Variants in CPLX1 observed in about 807,000 individuals in gnomAD.
CPLX1 encodes the protein complexin-1.
In CPLX1, 6 loss-of-function variants were observed where a neutral mutation model predicts 15.6. That is an observed-to-expected ratio of 0.39 (90% CI 0.21 to 0.76). The LOEUF (loss-of-function observed/expected upper bound fraction) is 0.76. CPLX1 is among the 30% of genes least tolerant of loss of function. The pLI is 0.43. For synonymous variants in CPLX1, 91 were observed against 75.2 expected (o/e 1.21, Z -1.08); for missense variants, 242 against 188.6 (o/e 1.28, Z -1.66).
intron 2 of CPLX1, among the ~76,000 whole-genome samples, chr4:801,718 C>T (rs1447115997): frequency 6.6e-6 from 1 of 152,218 alleles, no homozygotes; most frequent in Non-Finnish European, 1.5e-5. Context: ...ACAAAGTCAC[C>T]TAATGACACA....
chr4:807,276 AGAACACAT>A (rs1380416197), intron 2 of CPLX1, among the ~76,000 whole-genome samples: 1 of 152,216 alleles, frequency 6.6e-6, no homozygotes, highest in African/African-American at 2.4e-5. Context: ...TTGAACATTG[AGAACACAT>A]GGACACAGGG....
chr4:793,731 G>A (rs908218014), intron 2 of CPLX1, among the ~76,000 whole-genome samples: 5 of 152,126 alleles, frequency 3.3e-5, no homozygotes, highest in Admixed American at 2.6e-4. Context: ...CTCCCCCCGC[G>A]GCCACCCGGC....
At position 802,617 on chromosome 4, in the gene CPLX1, C is replaced by A. The variant is rs17165022; in HGVS notation, c.32-10009G>T. On this transcript the variant is annotated intron_variant, in intron 2 of 3. Coordinates refer to ENST00000304062, the MANE Select transcript of CPLX1 (RefSeq NM_006651.4). ...TATTAGAAACAAGGACGTAAGTAAC[C>A]CTTCAACTGAAGAGGAAATAAAAAC... 4.3e-3 allele frequency among the ~76,000 whole-genome samples: 648 copies of A among 152,204 alleles called. 5 individuals are homozygous for A. Among genetic ancestry groups the A allele is most frequent in the Non-Finnish European group, 6.9e-3 (471 of 68,014 alleles).
At chr4:787,336 C>A (rs1746028844) in intron 3 of CPLX1, 1 of 985,408 alleles carries the variant, frequency 1.0e-6, no homozygotes, top group Non-Finnish European at 1.2e-6. Flanking sequence ...CGACCCCCTG[C>A]CCACCCGCGT....
Position 804,331 on chromosome 4 carries a change from G to A in CPLX1, c.32-11723C>T, listed in dbSNP as rs954267051. Among the ~76,000 whole-genome samples, 105 of 152,302 alleles carry A rather than the reference G, an allele frequency of 6.9e-4. 1 individual carries two copies. Among genetic ancestry groups the A allele is most frequent in the African/African-American group, 2.4e-3 (101 of 41,536 alleles). On this transcript the variant is annotated intron_variant, in intron 2 of 3. Transcript: ENST00000304062. Reference sequence around the variant, plus strand: ...AACACATCATGGGATGTGGCAGCATGGCTAAATACAATATCCATACTTCCG... The same window carrying A: ...AACACATCATGGGATGTGGCAGCATAGCTAAATACAATATCCATACTTCCG...
At chr4:802,808 G>A (rs1746482703) in intron 2 of CPLX1, among the ~76,000 whole-genome samples, 1 of 152,078 alleles carries the variant, frequency 6.6e-6, no homozygotes, top group African/African-American at 2.4e-5. Context: ...AAAATTAGCT[G>A]GGCTTGATGG....
intron 2 of CPLX1, among the ~76,000 whole-genome samples, chr4:806,432 A>G (rs1746555940): frequency 6.6e-6 from 1 of 152,226 alleles, no homozygotes; most frequent in African/African-American, 2.4e-5. Flanking sequence ...GTAAAACCCA[A>G]AAGTATAAAA....
intron 2 of CPLX1, among the ~76,000 whole-genome samples, chr4:820,021 A>C (rs1746831516): frequency 2.6e-5 from 4 of 152,164 alleles, no homozygotes; most frequent in Admixed American, 2.6e-4. Context: ...ACTTGCAGCC[A>C]AAAGAATCTT....
At chr4:815,879 T>G (rs1434551259) in intron 2 of CPLX1, among the ~76,000 whole-genome samples, 1 of 152,196 alleles carries the variant, frequency 6.6e-6, no homozygotes, top group Non-Finnish European at 1.5e-5. Context: ...AACTTGGACT[T>G]AGGTCTCTAC....
chr4:824,808 T>C (rs1253992754), intron 1 of CPLX1: 2 of 642,762 alleles, frequency 3.1e-6, no homozygotes, highest in South Asian at 1.5e-5. Context: ...CCCCAGCTCC[T>C]GGGGTGTCTG....
intron 2 of CPLX1, among the ~76,000 whole-genome samples, chr4:809,589 G>A (rs1341529840): frequency 6.6e-6 from 1 of 152,242 alleles, no homozygotes; most frequent in African/African-American, 2.4e-5. Context: ...CCATCACAAA[G>A]GTAGGCGTCC....
chr4:813,654 A>T (rs1409276895), intron 2 of CPLX1, among the ~76,000 whole-genome samples: 1 of 152,188 alleles, frequency 6.6e-6, no homozygotes, highest in African/African-American at 2.4e-5. Flanking sequence ...TTGAAAACAG[A>T]GAGTTCATGG....
intron 2 of CPLX1, among the ~76,000 whole-genome samples, chr4:811,371 C>A (rs940970646): frequency 2.0e-4 from 31 of 152,050 alleles, no homozygotes; most frequent in African/African-American, 7.5e-4. Flanking sequence ...GCCTGGAACT[C>A]CTGGCCTCAG....
chr4:807,959 C>T (rs1327380341), intron 2 of CPLX1, among the ~76,000 whole-genome samples: 1 of 152,144 alleles, frequency 6.6e-6, no homozygotes, highest in Non-Finnish European at 1.5e-5. Flanking sequence ...GGCACAGGTG[C>T]AGCACAACCA....
rs766934799 is a variant in CPLX1, at chr4:824,795, T to A, written c.-79-194A>T. The A allele has an allele frequency of 7.3e-4, 486 of 661,322 alleles. 2 individuals carry two copies. The highest frequency in any genetic ancestry group is 1.9e-3 in the East Asian group (65 of 33,864). The allele number at this position is 661,322 out of a possible 1,614,324, so 41.0% of individuals were successfully genotyped here. ...AGGACCCCAGAGGACCTGAAAATGGTCTCCCCAGCTCCTGGGGTGTCTGAA... is the reference window on the plus strand; with the variant it reads ...AGGACCCCAGAGGACCTGAAAATGGACTCCCCAGCTCCTGGGGTGTCTGAA... On this transcript the variant is annotated intron_variant, in intron 1 of 3. Coordinates refer to ENST00000304062, the MANE Select transcript of CPLX1 (RefSeq NM_006651.4).
In CPLX1 at chr4:810,642, G is replaced by A. The variant is rs191812095; in HGVS notation, c.31+13850C>T. Among the ~76,000 whole-genome samples the A allele has an allele frequency of 4.7e-4, 71 of 151,462 alleles. No homozygotes were observed. In the Middle Eastern group the frequency reaches 0.01, roughly 22 times the overall value. ...CTTAATAATCATTCCTTTAATTCCC[G>A]TATCTTCTTTGGGGGAATATCTATT... On this transcript the variant is annotated intron_variant, in intron 2 of 3. Coordinates refer to ENST00000304062, the MANE Select transcript of CPLX1 (RefSeq NM_006651.4).
rs1213394899 is a variant in CPLX1, at chr4:791,180, G to GT, written c.207+1252_207+1253insA. Among the ~76,000 whole-genome samples, 9 of 150,638 alleles carry GT rather than the reference G, an allele frequency of 6.0e-5. No individual in the cohort carries two copies. The East Asian group carries it at 1.8e-3, about 29-fold the overall frequency. ...GAAGCCCTGGGTCAGCTGCGGGGCGGGGGGCGGGGAGCGGGGGGCGGAGGG... is the reference window on the plus strand; with the variant it reads ...GAAGCCCTGGGTCAGCTGCGGGGCGGTGGGGCGGGGAGCGGGGGGCGGAGGG... On this transcript the variant is annotated intron_variant, in intron 3 of 3. Coordinates refer to ENST00000304062, the MANE Select transcript of CPLX1 (RefSeq NM_006651.4).
chr4:787,078 G>A, intron 3 of CPLX1: 1 of 985,372 alleles, frequency 1.0e-6, no homozygotes, highest in Non-Finnish European at 1.2e-6. Context: ...CGTGGCAGAG[G>A]TGGGGAGAAA....
chr4:791,038 CCCTT>C (rs1303089059), intron 3 of CPLX1, among the ~76,000 whole-genome samples: 1 of 152,080 alleles, frequency 6.6e-6, no homozygotes, highest in Non-Finnish European at 1.5e-5. Flanking sequence ...CTCTGACTCC[CCCTT>C]CCTTCTCCTC....
Sources: allele counts gnomAD v4.1 joint callset (sites outside exome capture counted in the v4.1 genomes callset), GRCh38; gene constraint gnomAD v4.1.1; transcripts MANE v1.5; gene names NCBI Gene and HGNC (gene_info 2026-07-23, HGNC 2026-07-21).